PODXL2: variants seen among roughly 807,000 people sequenced by gnomAD.
PODXL2 encodes the protein podocalyxin-like protein 2.
In PODXL2, 17 loss-of-function variants were observed where a neutral mutation model predicts 53.4. The observed-to-expected ratio is 0.32, with a 90% CI of 0.22 to 0.48. The LOEUF (loss-of-function observed/expected upper bound fraction) is 0.48. PODXL2 is among the 20% of genes least tolerant of loss of function. The pLI is 0.99. For synonymous variants in PODXL2, 311 were observed against 306.7 expected (o/e 1.01, Z -0.15); for missense variants, 673 against 760.0 (o/e 0.89, Z 1.35).
At chr3:127,665,799 G>A in intron 4 of PODXL2, 2 of 293,576 alleles carry the variant, frequency 6.8e-6, no homozygotes, top group South Asian at 5.8e-5. Flanking sequence ...TGAGGCTGCA[G>A]AGTTTCTCAG....
chr3:127,671,954 A>G (rs1030828350), intron 7 of PODXL2, among the ~76,000 whole-genome samples: 3 of 152,228 alleles, frequency 2.0e-5, no homozygotes, highest in African/African-American at 7.2e-5. Flanking sequence ...GAGAGGCTCC[A>G]GCAGCCTAGA....
chr3:127,629,244 C>T lies in PODXL2; in HGVS notation c.25C>T (p.Arg9Trp), dbSNP rs553021480. The T allele has an allele frequency of 2.2e-5, 22 of 1,003,906 alleles. No individual in the cohort carries two copies. The East Asian group carries it at 1.8e-3, about 83-fold the overall frequency. The allele number at this position is 1,003,906 out of a possible 1,614,324, so 62.2% of individuals were successfully genotyped here. A position where few individuals can be genotyped will look rare whatever the true frequency, so the allele number is the denominator to read the frequency against. ...CATGGGCCGGCTGCTGCGGGCCGCC[C>T]GGCTGCCGCCGCTGCTTTCGCCGCT... Reference protein sequence around the residue: MGRLLRAARLPPLLSPLLL... With the variant: MGRLLRAAWLPPLLSPLLL... Residue 9 changes from arginine (R) to tryptophan (W), a missense_variant, in exon 1 of 8, where the codon CGG becomes TGG. Coordinates refer to ENST00000342480, the MANE Select transcript of PODXL2 (RefSeq NM_015720.4). The surrounding 1 kb of genome is among the most constrained non-coding windows in gnomAD (Gnocchi z 6.4).
At chr3:127,646,812 G>A (rs1430238717) in intron 2 of PODXL2, among the ~76,000 whole-genome samples, 4 of 152,134 alleles carry the variant, frequency 2.6e-5, no homozygotes, top group African/African-American at 9.7e-5. Context: ...TTTGCCCAAG[G>A]CCACACAGCT....
intron 7 of PODXL2, 82 bp downstream of exon 7, chr3:127,671,695 C>A: frequency 7.4e-7 from 1 of 1,347,214 alleles, no homozygotes; most frequent in Non-Finnish European, 1.0e-6. Context: ...CAAGGGGAGG[C>A]AGTGACTCTC....
chr3:127,646,821 C>G (rs533007035), intron 2 of PODXL2, among the ~76,000 whole-genome samples: 1 of 152,260 alleles, frequency 6.6e-6, no homozygotes, highest in African/African-American at 2.4e-5. Flanking sequence ...GGCCACACAG[C>G]TTGTGTGTGG....
chr3:127,635,318 CT>C (rs1489626919), intron 1 of PODXL2, among the ~76,000 whole-genome samples: 3 of 152,200 alleles, frequency 2.0e-5, no homozygotes, highest in African/African-American at 7.2e-5. Flanking sequence ...GATTTGTTTT[CT>C]TGCTGGTCTC....
chr3:127,658,802 C>T (rs1375211307), intron 2 of PODXL2, among the ~76,000 whole-genome samples: 1 of 148,792 alleles, frequency 6.7e-6, no homozygotes, highest in African/African-American at 2.5e-5. Context: ...GCTTTCATTG[C>T]AAAGATTCAT....
chr3:127,672,389 CCCT>C lies in PODXL2; in HGVS notation c.1729_1731del (p.Leu577del), dbSNP rs1304544502. On this transcript the variant is annotated inframe_deletion, in exon 8 of 8. Coordinates refer to ENST00000342480, the MANE Select transcript of PODXL2 (RefSeq NM_015720.4). ...CACCCCAGCCTGAACGGCGGCGGGG[CCCT>C]CAACGGCCCGGGGAGCTGGGGGGCG... The C allele has an allele frequency of 1.3e-6, 2 of 1,544,352 alleles. No individual in the cohort carries two copies. Among genetic ancestry groups the C allele is most frequent in the African/African-American group, 2.7e-5 (2 of 73,012 alleles).
At chr3:127,662,028 A>G (rs566961926) in intron 3 of PODXL2, among the ~76,000 whole-genome samples, 62 of 152,146 alleles carry the variant, frequency 4.1e-4, no homozygotes, top group African/African-American at 1.0e-3. Flanking sequence ...CTCTCACTCA[A>G]TACATTCCCT....
chr3:127,671,486 A>G lies in PODXL2; in HGVS notation c.1478A>G (p.Gln493Arg), dbSNP rs2074837474. 2 of 1,614,102 alleles carry G rather than the reference A, an allele frequency of 1.2e-6. No individual in the cohort carries two copies. The highest frequency in any genetic ancestry group is 1.1e-5 in the South Asian group (1 of 91,076). Reference sequence around the variant, plus strand: ...AGCAGCTGCCAGGCGCGGGCCAGCCAGGTGCGCAGCGACTACGGCACGCTC... The same window carrying G: ...AGCAGCTGCCAGGCGCGGGCCAGCCGGGTGCGCAGCGACTACGGCACGCTC... ...TTSSCQARAS[Q>R]VRSDYGTLFV... Residue 493 changes from glutamine (Q) to arginine (R), a missense_variant, in exon 7 of 8, where the codon CAG becomes CGG. Gln to Arg is a conservative substitution (Grantham distance 43). Around this residue, in one of 3 missense-constraint regions of PODXL2, gnomAD observed 588 missense variants for 668.3 expected, o/e 0.88. Coordinates refer to ENST00000342480, the MANE Select transcript of PODXL2 (RefSeq NM_015720.4).
At position 127,639,423 on chromosome 3, in the gene PODXL2, CGAAGAGAAT is replaced by C. The variant is rs1203194593; in HGVS notation, c.256_264del (p.Asn86_Glu88del). 2 of 1,614,236 alleles carry C rather than the reference CGAAGAGAAT, an allele frequency of 1.2e-6. No individual in the cohort carries two copies. The highest frequency in any genetic ancestry group is 1.7e-6 in the Non-Finnish European group (2 of 1,180,018). On this transcript the variant is annotated inframe_deletion, in exon 2 of 8. Transcript: ENST00000342480. ...GAGCCCCTGGCTCAGGCTTCCCCAG[CGAAGAGAAT>C]GAAGAGTCTCGGATTCTGCAGCCAC...
intron 2 of PODXL2, among the ~76,000 whole-genome samples, chr3:127,642,816 C>T (rs1344239926): frequency 6.6e-6 from 1 of 152,154 alleles, no homozygotes; most frequent in African/African-American, 2.4e-5. Context: ...GTTAAGAGAA[C>T]AGGCTTTGGA....
intron 5 of PODXL2, 92 bp from the exon 6 acceptor site, chr3:127,669,049 C>T: frequency 1.3e-6 from 1 of 767,240 alleles, no homozygotes; most frequent in Non-Finnish European, 2.1e-6. Flanking sequence ...GACAGAGGCT[C>T]AGGCCAGCTG....
At chr3:127,641,409 A>G (rs766106598) in intron 2 of PODXL2, among the ~76,000 whole-genome samples, 11 of 149,740 alleles carry the variant, frequency 7.3e-5, no homozygotes, top group Non-Finnish European at 1.0e-4. Flanking sequence ...GGGTCTTGCT[A>G]TGTTGCCCAG....
chr3:127,647,088 T>C (rs112430093), intron 2 of PODXL2, among the ~76,000 whole-genome samples: 61 of 152,286 alleles, frequency 4.0e-4, no homozygotes, highest in African/African-American at 1.4e-3. Context: ...ATGAGCAGTG[T>C]GACCTTGAGT....
intron 2 of PODXL2, among the ~76,000 whole-genome samples, chr3:127,653,307 A>G (rs144206335): frequency 3.3e-5 from 5 of 152,238 alleles, no homozygotes; most frequent in South Asian, 4.2e-4. Context: ...CCATGTTTCT[A>G]TTCCCCTCTT....
intron 7 of PODXL2, 71 bp from the exon 8 acceptor site, chr3:127,672,172 GGGAACCCCCTGGGTGGGGTTGCACA>G: frequency 1.1e-6 from 1 of 913,570 alleles, no homozygotes; most frequent in South Asian, 1.5e-5. Flanking sequence ...AGGGTGCCGC[GGGAACCCCCTGGGTGGGGTTGCACA>G]GACGGCCGCG....
In PODXL2 at chr3:127,660,622, A is replaced by C. The variant is rs766564093; in HGVS notation, c.594A>C (p.Glu198Asp). Residue 198 changes from glutamate (E) to aspartate (D), a missense_variant, in exon 3 of 8, where the codon GAA becomes GAC. Glu to Asp is a conservative substitution (Grantham distance 45). Around this residue, in one of 3 missense-constraint regions of PODXL2, gnomAD observed 588 missense variants for 668.3 expected, o/e 0.88. Coordinates refer to ENST00000342480, the MANE Select transcript of PODXL2 (RefSeq NM_015720.4). The part of the protein sequence containing the change: ...ELLPVNGSQE[E>D]AKPQVRDFSL... ...TCCCTGTGAATGGATCCCAAGAAGAAGCCAAGCCTCAGGTCCGTGACTTTT... is the reference window on the plus strand; with the variant it reads ...TCCCTGTGAATGGATCCCAAGAAGACGCCAAGCCTCAGGTCCGTGACTTTT... 6.2e-7 allele frequency: 1 copy of C among 1,614,180 alleles called. No homozygotes were observed. The highest frequency in any genetic ancestry group is 1.1e-5 in the South Asian group (1 of 91,080).
Position 127,650,367 on chromosome 3 carries a change from A to C in PODXL2, c.350-10011A>C, listed in dbSNP as rs1260859432. 2.6e-5 allele frequency among the ~76,000 whole-genome samples: 4 copies of C among 152,186 alleles called. No homozygotes were observed. In the South Asian group the frequency reaches 6.2e-4, roughly 24 times the overall value. ...CCAGCACCATAATGAGTTTAAAAGA[A>C]AGCGGAGAAATAAGGCCTAGGGGAC... On this transcript the variant is annotated intron_variant, in intron 2 of 7. Transcript: ENST00000342480.
Sources: gnomAD v4.1 joint callset for allele counts (sites outside exome capture counted in the v4.1 genomes callset) on GRCh38, gnomAD v4.1.1 for gene constraint, gnomAD v4.1.1 regional missense constraint, Gnocchi (gnomAD v3.1) non-coding constraint, MANE v1.5 for transcripts, NCBI Gene and HGNC (gene_info 2026-07-23, HGNC 2026-07-21) for gene names.